Variants in ACOXL observed in about 807,000 individuals in gnomAD.
ACOXL encodes the protein acyl-CoA oxidase like, also known as acyl-coenzyme A oxidase-like protein.
A neutral mutation model predicts 71.9 loss-of-function variants in ACOXL; 70 were observed. That is an observed-to-expected ratio of 0.97 (90% confidence interval 0.80 to 1.19). ACOXL has a LOEUF of 1.19. Ranked by LOEUF, ACOXL falls within the 50% of genes most tolerant of loss-of-function variation. The pLI, the probability that ACOXL is intolerant of heterozygous loss-of-function variation, is 0.00. For missense variants in ACOXL, 703 were observed against 736.3 expected (o/e 0.95, Z 0.52); for synonymous variants, 253 against 281.6 (o/e 0.90, Z 1.02).
At chr2:111,049,110 G>A (rs1016373192) in intron 15 of ACOXL, 108 bp from the exon 16 acceptor site, 25 of 886,676 alleles carry the variant, frequency 2.8e-5, no homozygotes, top group Non-Finnish European at 3.8e-5. Flanking sequence ...AAGGAAGGAC[G>A]GACAGCATGC....
intron 12 of ACOXL, among the ~76,000 whole-genome samples, chr2:110,981,060 T>G (rs2062687145): frequency 1.3e-5 from 2 of 152,174 alleles, no homozygotes; most frequent in African/African-American, 2.4e-5. Flanking sequence ...AGGTGTGGAA[T>G]TATTGAAAGC....
intron 1 of ACOXL, among the ~76,000 whole-genome samples, chr2:110,738,622 C>G (rs1258480243): frequency 6.6e-6 from 1 of 152,182 alleles, no homozygotes; most frequent in African/African-American, 2.4e-5. Context: ...TCCCTCCCTA[C>G]TGGAAGCTTC....
chr2:110,873,246 GGGGGCT>G (rs956241422), intron 10 of ACOXL, among the ~76,000 whole-genome samples: 6 of 152,232 alleles, frequency 3.9e-5, no homozygotes, highest in African/African-American at 1.4e-4. Context: ...TCGGGCAACA[GGGGGCT>G]GGTGGATTGG....
At chr2:110,915,428 A>ATATATATTTTTT (rs1315085098) in intron 11 of ACOXL, among the ~76,000 whole-genome samples, 2 of 108,014 alleles carry the variant, frequency 1.9e-5, no homozygotes, top group African/African-American at 7.1e-5. Context: ...ATATATATAT[A>ATATATATTTTTT]TTTTTTTTTT....
intron 16 of ACOXL, among the ~76,000 whole-genome samples, chr2:111,062,655 G>A (rs972735664): frequency 1.3e-5 from 2 of 151,978 alleles, no homozygotes; most frequent in South Asian, 2.1e-4. Context: ...TCAAATTGGT[G>A]GAACATAGCC....
chr2:110,850,034 G>A (rs992296424), intron 10 of ACOXL, among the ~76,000 whole-genome samples: 3 of 152,110 alleles, frequency 2.0e-5, no homozygotes, highest in Non-Finnish European at 2.9e-5. Flanking sequence ...TAAATAAATG[G>A]AGCAATTGGA....
chr2:110,962,137 A>T (rs542088919), intron 12 of ACOXL, among the ~76,000 whole-genome samples: 1 of 152,342 alleles, frequency 6.6e-6, no homozygotes, highest in South Asian at 2.1e-4. Context: ...CCTTCTTCAC[A>T]GGGCTGTTGT....
At chr2:111,078,119 G>C (rs780074287) in intron 16 of ACOXL, among the ~76,000 whole-genome samples, 1 of 151,758 alleles carries the variant, frequency 6.6e-6, no homozygotes, top group Non-Finnish European at 1.5e-5. Context: ...CTGTTGTTCA[G>C]ATAGGATAAT....
chr2:110,799,944 C>T (rs1364444786), intron 7 of ACOXL, among the ~76,000 whole-genome samples: 2 of 152,124 alleles, frequency 1.3e-5, no homozygotes, highest in African/African-American at 2.4e-5. Flanking sequence ...CACTAACCAG[C>T]GCCCTCTAAA....
intron 9 of ACOXL, among the ~76,000 whole-genome samples, chr2:110,825,444 A>C: frequency 6.6e-6 from 1 of 151,662 alleles, no homozygotes; most frequent in East Asian, 1.9e-4. Context: ...CATTTTTCTT[A>C]TTTTGCCCTG....
intron 17 of ACOXL, among the ~76,000 whole-genome samples, chr2:111,107,504 T>G (rs2069629633): frequency 6.6e-6 from 1 of 152,246 alleles, no homozygotes; most frequent in South Asian, 2.1e-4. Context: ...TGTTGTTTTT[T>G]GAGATGGAGT....
chr2:111,117,918 G>GCC lies in ACOXL; in HGVS notation c.*103_*104dup. 7.5e-7 allele frequency: 1 copy of GCC among 1,336,556 alleles called. No homozygotes were observed. The highest frequency in any genetic ancestry group is 1.0e-6 in the Non-Finnish European group (1 of 1,000,696). 82.8% of individuals were successfully genotyped at this position (1,336,556 alleles called of 1,614,324 possible). Reference sequence around the variant, plus strand: ...GAGGCCGGGGGCTGGCACCCGCTGGGCCGCCACTCTCGGGGATTTTGGTGG... The same window carrying GCC: ...GAGGCCGGGGGCTGGCACCCGCTGGGCCCCGCCACTCTCGGGGATTTTGGTGG... On this transcript the variant is annotated 3_prime_UTR_variant, in exon 18 of 18. Transcript: ENST00000439055.
At chr2:110,835,562 C>T (rs1276170413) in intron 9 of ACOXL, among the ~76,000 whole-genome samples, 1 of 152,204 alleles carries the variant, frequency 6.6e-6, no homozygotes, top group Non-Finnish European at 1.5e-5. Context: ...CAGGAGGCCT[C>T]ATCTCCTCCA....
chr2:110,752,355 G>A (rs548834326), intron 1 of ACOXL, among the ~76,000 whole-genome samples: 2 of 151,956 alleles, frequency 1.3e-5, no homozygotes, highest in South Asian at 2.1e-4. Context: ...GCATGTTGGT[G>A]TACTTATAGT....
At chr2:111,008,350 C>T (rs938486797) in intron 14 of ACOXL, among the ~76,000 whole-genome samples, 2 of 152,168 alleles carry the variant, frequency 1.3e-5, no homozygotes, top group Non-Finnish European at 2.9e-5. Context: ...CAGCTACCCC[C>T]TTTCCATCAC....
chr2:111,099,358 A>G (rs913206766), intron 17 of ACOXL: 10 of 152,234 alleles, frequency 6.6e-5, no homozygotes, highest in African/African-American at 2.4e-4. Context: ...ATTCATTCTT[A>G]TATCATCCTC....
intron 17 of ACOXL, 47 bp from the exon 18 acceptor site, chr2:111,117,569 G>GT: frequency 6.5e-7 from 1 of 1,543,314 alleles, no homozygotes; most frequent in Non-Finnish European, 8.8e-7. Flanking sequence ...CTAGATGGCT[G>GT]TAAGTGTGCC....
intron 14 of ACOXL, among the ~76,000 whole-genome samples, chr2:111,020,128 G>A (rs2064677385): frequency 1.3e-5 from 2 of 152,196 alleles, no homozygotes; most frequent in African/African-American, 2.4e-5. Context: ...CCAAAGTGCT[G>A]GGATTGCAGG....
intron 5 of ACOXL, 98 bp from the exon 6 acceptor site, chr2:110,798,512 C>T (rs544116967): frequency 1.3e-3 from 1,245 of 952,850 alleles, no homozygotes; most frequent in Non-Finnish European, 1.9e-3. Context: ...CACCTCGGCC[C>T]CCCAAAGTGC....
Sources: allele counts gnomAD v4.1 joint callset (sites outside exome capture counted in the v4.1 genomes callset), GRCh38; gene constraint gnomAD v4.1.1; transcripts MANE v1.5; gene names NCBI Gene and HGNC (gene_info 2026-07-23, HGNC 2026-07-21).